Variants in TCF4 observed in about 807,000 individuals in gnomAD.
TCF4 encodes the protein SL3-3 enhancer factor 2.
In TCF4, 3 loss-of-function variants were observed where a neutral mutation model predicts 82.1. The ratio of observed to expected loss-of-function variants is 0.04; its 90% confidence interval spans 0.02 to 0.09. The LOEUF (loss-of-function observed/expected upper bound fraction) is 0.09. TCF4 is among the 10% of genes least tolerant of loss of function. The pLI is 1.00. For missense variants in TCF4, 518 were observed against 852.7 expected (o/e 0.61, Z 4.89); for synonymous variants, 276 against 309.6 (o/e 0.89, Z 1.14).
At chr18:55,494,079 A>G (rs1352820892) in intron 3 of TCF4, among the ~76,000 whole-genome samples, 2 of 151,950 alleles carry the variant, frequency 1.3e-5, no homozygotes, top group African/African-American at 2.4e-5. Flanking sequence ...ATATTCTTAA[A>G]TAACTACTCC....
chr18:55,308,578 A>G (rs1485370992), intron 8 of TCF4, among the ~76,000 whole-genome samples: 1 of 152,228 alleles, frequency 6.6e-6, no homozygotes, highest in African/African-American at 2.4e-5. Flanking sequence ...TTGGTTGTCT[A>G]CAATATGCCA....
chr18:55,588,580 C>T (rs2097675020), upstream of TCF4: 2 of 1,522,806 alleles, frequency 1.3e-6, no homozygotes, highest in Non-Finnish European at 1.8e-6. Context: ...CATCCCCTCA[C>T]TTCTTTCTTT....
At chr18:55,264,637 A>G (rs2058729521) in intron 11 of TCF4, 1 of 151,078 alleles carries the variant, frequency 6.6e-6, no homozygotes, top group South Asian at 2.1e-4. Context: ...TTAGCAAGAT[A>G]CATTAAAGCT....
At chr18:55,249,546 G>A (rs1394081693) in intron 15 of TCF4, among the ~76,000 whole-genome samples, 6 of 152,170 alleles carry the variant, frequency 3.9e-5, no homozygotes, top group Non-Finnish European at 5.9e-5. Context: ...TTCACTACTG[G>A]ATAAGGGTCA....
At chr18:55,577,250 A>AC (rs2097538927) in intron 3 of TCF4, among the ~76,000 whole-genome samples, 1 of 146,842 alleles carries the variant, frequency 6.8e-6, no homozygotes, top group Non-Finnish European at 1.5e-5. Context: ...ATATGTATAT[A>AC]CATATTTATA....
At chr18:55,529,285 A>G (rs1477840148) in intron 3 of TCF4, among the ~76,000 whole-genome samples, 5 of 152,174 alleles carry the variant, frequency 3.3e-5, no homozygotes, top group Non-Finnish European at 7.3e-5. Flanking sequence ...GATACCAATA[A>G]AATATTTAGC....
intron 3 of TCF4, among the ~76,000 whole-genome samples, chr18:55,560,824 T>C (rs2097349088): frequency 6.6e-6 from 1 of 152,160 alleles, no homozygotes. Flanking sequence ...GGGAACCATA[T>C]AAAAAGTCTG....
chr18:55,260,342 T>G (rs1409843339), intron 12 of TCF4, among the ~76,000 whole-genome samples: 1 of 148,236 alleles, frequency 6.7e-6, no homozygotes, highest in Non-Finnish European at 1.5e-5. Context: ...AACTTTCCTT[T>G]CCTCATCTAC....
intron 15 of TCF4, among the ~76,000 whole-genome samples, chr18:55,234,902 T>A (rs1175527215): frequency 6.6e-6 from 1 of 152,160 alleles, no homozygotes; most frequent in East Asian, 1.9e-4. Flanking sequence ...GTGACAAATA[T>A]GGCAGAGTAG....
chr18:55,303,439 A>G (rs1262399984), intron 8 of TCF4, among the ~76,000 whole-genome samples: 1 of 152,196 alleles, frequency 6.6e-6, no homozygotes, highest in Non-Finnish European at 1.5e-5. Flanking sequence ...ACATAGAATC[A>G]TGACTGCAAC....
rs1451088719 is a variant in TCF4 at position 55,224,040 on chromosome 18, T to C, written c.*3995A>G. The C allele has an allele frequency of 6.8e-6, 1 of 146,954 alleles. No individual in the cohort carries two copies. The highest frequency in any genetic ancestry group is 1.5e-5 in the Non-Finnish European group (1 of 65,942). The allele number at this position is 146,954 out of a possible 1,614,324, so 9.1% of individuals were successfully genotyped here. A position where few individuals can be genotyped will look rare whatever the true frequency, so the allele number is the denominator to read the frequency against. On this transcript the variant is annotated 3_prime_UTR_variant, in exon 20 of 20. Transcript: ENST00000354452. ...AAAAATAAGCCAAATATATTTTTTA[T>C]TTTTAAATTTAGTTTTTTTTTTTTC... is the stretch of plus-strand genomic sequence containing the variant.
At chr18:55,318,766 C>T (rs1358378102) in intron 8 of TCF4, among the ~76,000 whole-genome samples, 1 of 151,900 alleles carries the variant, frequency 6.6e-6, no homozygotes, top group Non-Finnish European at 1.5e-5. Context: ...ACGTTTTTTT[C>T]GTTTGTCCTA....
At chr18:55,314,526 T>G (rs1051848389) in intron 8 of TCF4, among the ~76,000 whole-genome samples, 1 of 151,492 alleles carries the variant, frequency 6.6e-6, no homozygotes, top group Non-Finnish European at 1.5e-5. Context: ...ATTTGTTTTA[T>G]TCGTTAGAAA....
Position 55,534,876 on chromosome 18 carries a change from T to C in TCF4, c.145+50404A>G, listed in dbSNP as rs75404777. Among the ~76,000 whole-genome samples, 89 of 152,342 alleles carry C rather than the reference T, an allele frequency of 5.8e-4. 1 individual carries two copies. In the East Asian group the frequency reaches 0.016, roughly 28 times the overall value. On this transcript the variant is annotated intron_variant, in intron 3 of 19. Coordinates refer to ENST00000354452, the MANE Select transcript of TCF4 (RefSeq NM_001083962.2). Reference sequence around the variant, plus strand: ...ATATTCCACTACATGACTGTGAGCATGCCAATAGAATGACACAGTAATGAA... The same window carrying C: ...ATATTCCACTACATGACTGTGAGCACGCCAATAGAATGACACAGTAATGAA...
intron 3 of TCF4, among the ~76,000 whole-genome samples, chr18:55,481,817 A>G (rs887665589): frequency 1.3e-5 from 2 of 152,182 alleles, no homozygotes; most frequent in African/African-American, 4.8e-5. Flanking sequence ...CAAGAAATAG[A>G]CTTATGCCTA....
At chr18:55,321,997 G>C (rs992835467) in intron 8 of TCF4, 23 of 1,219,306 alleles carry the variant, frequency 1.9e-5, no homozygotes, top group South Asian at 7.6e-5. Flanking sequence ...GCATACGCGA[G>C]ATCGATTCAA....
chr18:55,289,833 C>G (rs1004330020), intron 8 of TCF4, among the ~76,000 whole-genome samples: 1 of 151,858 alleles, frequency 6.6e-6, no homozygotes, highest in Non-Finnish European at 1.5e-5. Context: ...TTAAGAAGGC[C>G]TGCTAAGGAT....
At chr18:55,334,521 C>A (rs922432363) in intron 8 of TCF4, among the ~76,000 whole-genome samples, 4 of 150,320 alleles carry the variant, frequency 2.7e-5, no homozygotes, top group South Asian at 2.1e-4. Flanking sequence ...ACATTCCTTT[C>A]AAAAAAAAAG....
At chr18:55,438,654 G>C (rs1180262355) in intron 5 of TCF4, among the ~76,000 whole-genome samples, 2 of 152,190 alleles carry the variant, frequency 1.3e-5, no homozygotes, top group Non-Finnish European at 2.9e-5. Context: ...GGTAGCACTG[G>C]AGATTAATTT....
Sources: allele counts gnomAD v4.1 joint callset (sites outside exome capture counted in the v4.1 genomes callset), GRCh38; gene constraint gnomAD v4.1.1; transcripts MANE v1.5; gene names NCBI Gene and HGNC (gene_info 2026-07-23, HGNC 2026-07-21).